The following FAT2 variants were observed in gnomAD, a reference collection of about 807,000 sequenced individuals.
FAT2 encodes the protein FAT atypical cadherin 2, also known as protocadherin Fat 2.
A neutral mutation model predicts 295.3 loss-of-function variants in FAT2; 150 were observed. The ratio of observed to expected loss-of-function variants is 0.51; its 90% CI spans 0.44 to 0.58. FAT2 has a LOEUF of 0.58. FAT2 is among the 20% of genes least tolerant of loss of function. The pLI is 0.00. For synonymous variants in FAT2, 2,026 were observed against 2,150.3 expected (o/e 0.94, Z 1.60); for missense variants, 4,868 against 5,442.7 (o/e 0.89, Z 3.32).
chr5:151,566,348 G>A lies in FAT2; in HGVS notation c.2584C>T (p.Pro862Ser), dbSNP rs1441419253. Residue 862 changes from proline (P) to serine (S), a missense_variant, in exon 2 of 24, where the codon CCC becomes TCC. Coordinates refer to ENST00000261800, the MANE Select transcript of FAT2 (RefSeq NM_001447.3). ...NGRVRYTLLS[P>S]TEKFSLHPLT... ...GGGTGGAGGGAGAACTTCTCTGTGG[G>A]ACTTAGCAGGGTGTAGCGAACCCTG... is the stretch of plus-strand genomic sequence containing the variant. The A allele has an allele frequency of 6.2e-7, 1 of 1,614,132 alleles. No homozygotes were observed. Among genetic ancestry groups the A allele is most frequent in the Non-Finnish European group, 8.5e-7 (1 of 1,180,012 alleles).
At chr5:151,550,965 A>G in intron 7 of FAT2, 94 bp from the exon 8 acceptor site, 2 of 1,105,588 alleles carry the variant, frequency 1.8e-6, no homozygotes, top group South Asian at 3.0e-5. Context: ...CAGGCCTAGC[A>G]CAGTGCCTGG....
intron 13 of FAT2, among the ~76,000 whole-genome samples, chr5:151,532,483 A>G (rs1210794503): frequency 6.6e-6 from 1 of 152,196 alleles, no homozygotes; most frequent in African/African-American, 2.4e-5. Context: ...GTTACCAACA[A>G]TGGACCAATG....
At chr5:151,576,614 A>T (rs1380101600) in intron 1 of FAT2, among the ~76,000 whole-genome samples, 1 of 152,228 alleles carries the variant, frequency 6.6e-6, no homozygotes, top group East Asian at 1.9e-4. Flanking sequence ...GAGTTTGGAT[A>T]TATATAATAA....
rs1312138959 is a variant in FAT2, at chr5:151,546,337, C to A, written c.4790G>T (p.Gly1597Val). Residue 1597 changes from glycine (G) to valine (V), a missense_variant and splice_region_variant, in exon 10 of 24, where the codon GGG (glycine) becomes GTG (valine). Physicochemically the swap from Gly to Val is moderately radical, Grantham distance 109. Around this residue, in one of 5 missense-constraint regions of FAT2, gnomAD observed 3,297 missense variants for 3,669.4 expected, o/e 0.90. Coordinates refer to ENST00000261800, the MANE Select transcript of FAT2 (RefSeq NM_001447.3). ...NAEVHYSLLK[G>V]NSEGFFNINA... The stretch of plus-strand genomic sequence containing the variant: ...GATGTTGAAGAAACCTTCGCTGTTC[C>A]CTGAAACAGAAGACAAGACAAACAA... 6.2e-7 allele frequency: 1 copy of A among 1,608,126 alleles called. No individual in the cohort carries two copies. The highest frequency in any genetic ancestry group is 1.3e-5 in the African/African-American group (1 of 74,778).
intron 1 of FAT2, among the ~76,000 whole-genome samples, chr5:151,576,330 T>C (rs1051101385): frequency 1.3e-5 from 2 of 152,214 alleles, no homozygotes; most frequent in African/African-American, 2.4e-5. Flanking sequence ...AACTGGGATA[T>C]ATTATCTGGA....
At chr5:151,529,954 A>C (rs928430210) in intron 14 of FAT2, among the ~76,000 whole-genome samples, 1 of 152,200 alleles carries the variant, frequency 6.6e-6, no homozygotes, top group African/African-American at 2.4e-5. Context: ...AATGGTGGAC[A>C]CTCTGCTTTT....
At position 151,505,445 on chromosome 5, in the gene FAT2, TG is replaced by T; in HGVS notation, c.*119del. The T allele has an allele frequency of 1.6e-6, 2 of 1,230,990 alleles. No homozygotes were observed. Among genetic ancestry groups the T allele is most frequent in the Non-Finnish European group, 2.3e-6 (2 of 873,922 alleles). 76.3% of individuals were successfully genotyped at this position (1,230,990 alleles called of 1,614,324 possible). ...GAGCACATTTCAAGGGACAACAGCCTGGGCTGAGGGCTTCCCTCCCACTCTC... is the reference window on the plus strand; with the variant it reads ...GAGCACATTTCAAGGGACAACAGCCTGGCTGAGGGCTTCCCTCCCACTCTC... On this transcript the variant is annotated 3_prime_UTR_variant, in exon 24 of 24. Transcript: ENST00000261800.
chr5:151,539,384 G>C (rs923497986), intron 11 of FAT2, among the ~76,000 whole-genome samples: 1 of 152,206 alleles, frequency 6.6e-6, no homozygotes, highest in Non-Finnish European at 1.5e-5. Context: ...TTGTATATAT[G>C]CAAATGCATA....
intron 20 of FAT2, among the ~76,000 whole-genome samples, chr5:151,516,711 C>T (rs1752906607): frequency 6.6e-6 from 1 of 152,050 alleles, no homozygotes; most frequent in Admixed American, 6.6e-5. Flanking sequence ...CTGATGAGAC[C>T]CAAGCACCTA....
intron 13 of FAT2, 137 bp from the exon 14 acceptor site, chr5:151,532,107 G>A (rs920737317): frequency 8.8e-7 from 1 of 1,134,664 alleles, no homozygotes; most frequent in Admixed American, 2.5e-5. Flanking sequence ...TATATGAAGA[G>A]TGAGGGTCTC....
intron 1 of FAT2, among the ~76,000 whole-genome samples, chr5:151,581,750 G>A (rs977736912): frequency 1.3e-5 from 2 of 152,210 alleles, no homozygotes; most frequent in Admixed American, 6.5e-5. Flanking sequence ...GATCACCTGT[G>A]TGTCCAACAG....
intron 19 of FAT2, among the ~76,000 whole-genome samples, chr5:151,519,423 G>A (rs1253065312): frequency 6.6e-6 from 1 of 152,136 alleles, no homozygotes; most frequent in Admixed American, 6.5e-5. Flanking sequence ...TTATTGGATG[G>A]GATATTGAAG....
At chr5:151,518,348 C>CTAATAATAATAATAATAATAA (rs3056491) in intron 19 of FAT2, among the ~76,000 whole-genome samples, 2,086 of 101,428 alleles carry the variant, frequency 0.021, 63 homozygotes, top group African/African-American at 0.055. Flanking sequence ...GACCATGTCT[C>CTAATAATAATAATAATAATAA]TAATAATAAT....
chr5:151,534,416 G>T lies in FAT2; in HGVS notation c.9420C>A (p.Pro3140=). ...TPVAVVFARD[P]DQGANAQVVY... ...AATCCTTCTCAGACTCACCTTGGTC[G>T]GGATCCCGGGCAAATACTACAGCCA... Residue 3140 remains proline (P), a synonymous_variant, in exon 13 of 24, where the codon CCC becomes CCA. Coordinates refer to ENST00000261800, the MANE Select transcript of FAT2 (RefSeq NM_001447.3). 6.2e-7 allele frequency: 1 copy of T among 1,605,680 alleles called. No individual in the cohort carries two copies. Among genetic ancestry groups the T allele is most frequent in the South Asian group, 1.1e-5 (1 of 90,462 alleles).
At position 151,512,164 on chromosome 5, in the gene FAT2, C is replaced by T; in HGVS notation, c.11905+1G>A. On this transcript the variant is annotated splice_donor_variant, in intron 21 of 23. Coordinates refer to ENST00000261800, the MANE Select transcript of FAT2 (RefSeq NM_001447.3). LOFTEE classifies it high-confidence loss of function. This position sits in a 1 kb window ranked among gnomAD's most constrained non-coding sequence, Gnocchi z 4.1. ...GTTCAGCCTGGCACCCCAGCCCTCA[C>T]CTGCCCCATGGGTCCATGAGCACTT... 6.2e-7 allele frequency: 1 copy of T among 1,610,614 alleles called. No individual in the cohort carries two copies. Among genetic ancestry groups the T allele is most frequent in the Non-Finnish European group, 8.5e-7 (1 of 1,177,078 alleles).
chr5:151,534,700 T>C (rs1410393855), intron 12 of FAT2, 58 bp from the exon 13 acceptor site: 1 of 1,462,302 alleles, frequency 6.8e-7, no homozygotes, highest in Non-Finnish European at 9.5e-7. Flanking sequence ...CCCAAGCATG[T>C]GCCCTCTATA....
rs754236337 is a variant in FAT2 at position 151,549,503 on chromosome 5, G to A, written c.4581C>T (p.Val1527=). ...GPSQHTLTVM[V]RDQEIPIKRN... ...TCTTGATAGGTATTTCCTGGTCTCG[G>A]ACCTATGGGCCCAAAGGGGGTAATT... Residue 1527 remains valine, a splice_region_variant and synonymous_variant, in exon 9 of 24, where the codon GTC becomes GTT. Coordinates refer to ENST00000261800, the MANE Select transcript of FAT2 (RefSeq NM_001447.3). The A allele has an allele frequency of 6.8e-6, 11 of 1,613,992 alleles. No individual in the cohort carries two copies. The highest frequency in any genetic ancestry group is 7.6e-6 in the Non-Finnish European group (9 of 1,179,988).
Position 151,507,168 on chromosome 5 carries a change from G to A in FAT2, c.12503C>T (p.Ser4168Phe), listed in dbSNP as rs1456981453. 2 of 1,588,676 alleles carry A rather than the reference G, an allele frequency of 1.3e-6. No individual in the cohort carries two copies. The highest frequency in any genetic ancestry group is 1.3e-5 in the African/African-American group (1 of 74,460). Reference sequence around the variant, plus strand: ...GCTATACTGACCCATCTCCTCGCTGGACCAGGTTCTCTTAATGACAGGCTC... The same window carrying A: ...GCTATACTGACCCATCTCCTCGCTGAACCAGGTTCTCTTAATGACAGGCTC... ...DNEPVIKRTWSSEEMVYPGGA... is the reference protein window; with the variant it reads ...DNEPVIKRTWFSEEMVYPGGA... Residue 4168 changes from serine to phenylalanine, a missense_variant, in exon 23 of 24, where the codon TCC (serine) becomes TTC (phenylalanine). Physicochemically the swap from Ser to Phe is radical, Grantham distance 155 (BLOSUM62 -2). Transcript: ENST00000261800.
chr5:151,568,234 C>T lies in FAT2; in HGVS notation c.698G>A (p.Gly233Asp), dbSNP rs547050498. The T allele has an allele frequency of 7.6e-5, 122 of 1,614,020 alleles. 1 individual carries two copies. The highest frequency in any genetic ancestry group is 3.5e-4 in the South Asian group (32 of 91,058). The change falls in exon 2 of 24, where the codon GGC becomes GAC. Residue 233 changes from glycine to aspartate, a missense_variant. Gly to Asp is a moderately conservative substitution (Grantham distance 94). Around this residue, in one of 5 missense-constraint regions of FAT2, gnomAD observed 3,297 missense variants for 3,669.4 expected, o/e 0.90. Transcript: ENST00000261800. ...AVDRMRKISE[G>D]NGFGSLAALV... ...TGCAGCCAGGCTGCCAAACCCATTG[C>T]CCTCAGAGATTTTCCGCATGCGGTC...
Sources: gnomAD v4.1 joint callset for allele counts (sites outside exome capture counted in the v4.1 genomes callset) on GRCh38, gnomAD v4.1.1 for gene constraint, gnomAD v4.1.1 regional missense constraint, Gnocchi (gnomAD v3.1) non-coding constraint, MANE v1.5 for transcripts, NCBI Gene and HGNC (gene_info 2026-07-23, HGNC 2026-07-21) for gene names.